STK32B: variants seen among roughly 807,000 people sequenced by gnomAD.
STK32B encodes the protein serine/threonine-protein kinase 32B.
STK32B carries 43 observed loss-of-function variants against 52.6 expected under a neutral mutation model. That is an observed-to-expected ratio of 0.82 (90% confidence interval 0.64 to 1.05). The LOEUF (loss-of-function observed/expected upper bound fraction) is 1.05. Among genes scored for constraint, STK32B ranks in the 50% least tolerant of loss-of-function variants. The pLI is 0.00. For missense variants in STK32B, 621 were observed against 534.6 expected (o/e 1.16, Z -1.59); for synonymous variants, 238 against 204.3 (o/e 1.17, Z -1.41).
In STK32B at chr4:5,378,166, G is replaced by A. The variant is rs138150982; in HGVS notation, c.435-20041G>A. Among the ~76,000 whole-genome samples, 2 of 152,216 alleles carry A rather than the reference G, an allele frequency of 1.3e-5. No homozygotes were observed. Among genetic ancestry groups the A allele is most frequent in the Non-Finnish European group, 2.9e-5 (2 of 68,046 alleles). On this transcript the variant is annotated intron_variant, in intron 4 of 11. Transcript: ENST00000282908. The surrounding 1 kb of genome is among the most constrained non-coding windows in gnomAD (Gnocchi z 4.4). ...TAACTGCCTCCCCGTCTGTCTGAGT[G>A]TTCATTCATGTCCAGTCCAGTAGCG...
intron 11 of STK32B, among the ~76,000 whole-genome samples, chr4:5,485,001 T>G (rs1399270681): frequency 6.6e-6 from 1 of 152,148 alleles, no homozygotes; most frequent in African/African-American, 2.4e-5. Flanking sequence ...ACCCGACCTT[T>G]CTCTCTGGCT....
chr4:5,354,860 AAAAT>A (rs1379443892), intron 4 of STK32B, among the ~76,000 whole-genome samples: 1 of 152,190 alleles, frequency 6.6e-6, no homozygotes, highest in African/African-American at 2.4e-5. Context: ...TAAAAACTAA[AAAAT>A]AAAGTGAAAG....
At chr4:5,314,757 G>A (rs1034796865) in intron 3 of STK32B, among the ~76,000 whole-genome samples, 1 of 151,926 alleles carries the variant, frequency 6.6e-6, no homozygotes, top group African/African-American at 2.4e-5. Context: ...GGAGAAAATA[G>A]ATAGAACCAG....
At chr4:5,165,016 G>A (rs745346816) in intron 2 of STK32B, among the ~76,000 whole-genome samples, 71 of 152,316 alleles carry the variant, frequency 4.7e-4, no homozygotes, top group Middle Eastern at 3.4e-3. Flanking sequence ...TCTGCAAGAG[G>A]GCTAGGCCCA....
chr4:5,291,371 T>G (rs1318153235), intron 3 of STK32B, among the ~76,000 whole-genome samples: 6 of 152,162 alleles, frequency 3.9e-5, no homozygotes, highest in African/African-American at 1.2e-4. Flanking sequence ...AGTCTTGTAC[T>G]GCTTTCACCA....
intron 1 of STK32B, among the ~76,000 whole-genome samples, chr4:5,065,382 G>A (rs1271782483): frequency 3.3e-5 from 5 of 152,164 alleles, no homozygotes; most frequent in Non-Finnish European, 5.9e-5. Context: ...CGTGAAGTCT[G>A]TGATTCACAT....
intron 11 of STK32B, among the ~76,000 whole-genome samples, chr4:5,477,180 C>T (rs1169991106): frequency 6.6e-6 from 1 of 152,122 alleles, no homozygotes; most frequent in African/African-American, 2.4e-5. Context: ...CCTCAAAATT[C>T]AAACAAAACG....
intron 3 of STK32B, among the ~76,000 whole-genome samples, chr4:5,323,620 T>C (rs1375209210): frequency 6.6e-6 from 1 of 152,212 alleles, no homozygotes. Flanking sequence ...CTCTACCCTC[T>C]GTCTTTTTTC....
intron 5 of STK32B, among the ~76,000 whole-genome samples, chr4:5,412,614 G>T (rs1009639465): frequency 6.6e-6 from 1 of 152,184 alleles, no homozygotes; most frequent in South Asian, 2.1e-4. Context: ...TCAGCCTTGA[G>T]ACCTTGGCCC....
intron 2 of STK32B, among the ~76,000 whole-genome samples, chr4:5,157,550 C>T (rs1342177160): frequency 6.6e-6 from 1 of 152,072 alleles, no homozygotes; most frequent in African/African-American, 2.4e-5. Context: ...AGAAATGGGC[C>T]ACGTGGGGAT....
intron 4 of STK32B, among the ~76,000 whole-genome samples, chr4:5,352,319 C>T (rs190031600): frequency 2.6e-5 from 4 of 152,054 alleles, no homozygotes; most frequent in Admixed American, 6.5e-5. Context: ...TAGTACATCA[C>T]ATCAACAAAA....
intron 3 of STK32B, among the ~76,000 whole-genome samples, chr4:5,178,360 A>G (rs1447081436): frequency 6.6e-6 from 1 of 152,222 alleles, no homozygotes. Context: ...TGCACAAAAA[A>G]CAAGGCCCTG....
rs1470208433 is a variant in STK32B at position 5,359,397 on chromosome 4, CTCCCTCCCTCCCTCCA to C, written c.434+28008_434+28023del. 2.7e-5 allele frequency among the ~76,000 whole-genome samples: 4 copies of C among 149,854 alleles called. No homozygotes were observed. The East Asian group carries it at 5.9e-4, about 22-fold the overall frequency. On this transcript the variant is annotated intron_variant, in intron 4 of 11. Coordinates refer to ENST00000282908, the MANE Select transcript of STK32B (RefSeq NM_018401.3). ...CATCCAACCCTCCCTCCCTCCCTCC[CTCCCTCCCTCCCTCCA>C]TCCACCTGTGCACTCAATAGTGATG...
intron 4 of STK32B, among the ~76,000 whole-genome samples, chr4:5,359,062 G>A (rs1190737575): frequency 6.6e-6 from 1 of 152,224 alleles, no homozygotes; most frequent in Non-Finnish European, 1.5e-5. Context: ...CTCACTTCAA[G>A]TCTTCTTGTG....
rs76643363 is a variant in STK32B at position 5,327,502 on chromosome 4, A to T, written c.261-3718A>T. Among the ~76,000 whole-genome samples the T allele has an allele frequency of 1.1e-4, 16 of 152,072 alleles. No homozygotes were observed. In the East Asian group the frequency reaches 2.7e-3, roughly 26 times the overall value. On this transcript the variant is annotated intron_variant, in intron 3 of 11. Transcript: ENST00000282908. The stretch of plus-strand genomic sequence containing the variant: ...TTGTTTTATCATGAAAACAACATTA[A>T]TCTTGTACATCTCCATCTGAGCTCT...
At chr4:5,173,869 T>C (rs1034916347) in intron 3 of STK32B, among the ~76,000 whole-genome samples, 3 of 152,262 alleles carry the variant, frequency 2.0e-5, no homozygotes, top group South Asian at 4.1e-4. Context: ...TGTTAACTTT[T>C]TGTCTCATTG....
chr4:5,285,441 G>A lies in STK32B; in HGVS notation c.261-45779G>A, dbSNP rs146584015. On this transcript the variant is annotated intron_variant, in intron 3 of 11. Transcript: ENST00000282908. ...ACCTATGTGTAGCCTATTTACAAGTGTCATGATGAAAAGCATGAAGATAGT... is the reference window on the plus strand; with the variant it reads ...ACCTATGTGTAGCCTATTTACAAGTATCATGATGAAAAGCATGAAGATAGT... Among the ~76,000 whole-genome samples, 490 of 152,250 alleles carry A rather than the reference G, an allele frequency of 3.2e-3. 2 individuals are homozygous for A. The highest frequency in any genetic ancestry group is 0.011 in the African/African-American group (469 of 41,554).
At chr4:5,253,037 A>G (rs532545019) in intron 3 of STK32B, among the ~76,000 whole-genome samples, 19 of 152,230 alleles carry the variant, frequency 1.2e-4, no homozygotes, top group African/African-American at 4.6e-4. Context: ...TGTGGCCCCA[A>G]AAGATCTATT....
chr4:5,362,912 C>G (rs1046999062), intron 4 of STK32B, among the ~76,000 whole-genome samples: 1 of 152,198 alleles, frequency 6.6e-6, no homozygotes, highest in Admixed American at 6.5e-5. Flanking sequence ...TCCATACTGC[C>G]TGGGTGATTT....
Sources: allele counts gnomAD v4.1 joint callset (sites outside exome capture counted in the v4.1 genomes callset), GRCh38; gene constraint gnomAD v4.1.1; non-coding constraint Gnocchi (gnomAD v3.1); transcripts MANE v1.5; gene names NCBI Gene and HGNC (gene_info 2026-07-23, HGNC 2026-07-21).